Variants in SKAP1 observed in about 807,000 individuals in gnomAD.
The protein encoded by SKAP1 is src kinase associated phosphoprotein 1.
A neutral mutation model predicts 58.5 loss-of-function variants in SKAP1; 44 were observed. That is an observed-to-expected ratio of 0.75 (90% confidence interval 0.59 to 0.97). SKAP1 has a LOEUF of 0.97. SKAP1 is among the 50% of genes least tolerant of loss of function. The pLI is 0.00. For missense variants in SKAP1, 390 were observed against 435.2 expected (o/e 0.90, Z 0.92); for synonymous variants, 127 against 149.7 (o/e 0.85, Z 1.11).
intron 3 of SKAP1, among the ~76,000 whole-genome samples, chr17:48,356,053 G>A (rs557971781): frequency 1.4e-4 from 21 of 151,286 alleles, no homozygotes; most frequent in African/African-American, 4.9e-4. Context: ...CCAAAATTTC[G>A]ATACCAGCCT....
intron 2 of SKAP1, among the ~76,000 whole-genome samples, chr17:48,385,602 A>G (rs968999063): frequency 6.6e-6 from 1 of 152,176 alleles, no homozygotes; most frequent in Non-Finnish European, 1.5e-5. Context: ...AGCCACAAAG[A>G]CAAACTTTAA....
chr17:48,226,864 G>A (rs1475956868), intron 4 of SKAP1, among the ~76,000 whole-genome samples: 1 of 152,204 alleles, frequency 6.6e-6, no homozygotes, highest in Non-Finnish European at 1.5e-5. Context: ...CCTCCACCAA[G>A]TTTGAGACAT....
intron 4 of SKAP1, among the ~76,000 whole-genome samples, chr17:48,300,581 T>C (rs1770548209): frequency 6.6e-6 from 1 of 152,190 alleles, no homozygotes; most frequent in Admixed American, 6.5e-5. Context: ...CCACATATTA[T>C]ACCAAGAGAG....
intron 11 of SKAP1, among the ~76,000 whole-genome samples, chr17:48,152,538 A>G (rs1480346385): frequency 6.6e-6 from 1 of 152,332 alleles, no homozygotes; most frequent in African/African-American, 2.4e-5. Flanking sequence ...GCTGCTTGTT[A>G]TAATACTGGC....
At position 48,187,977 on chromosome 17, in the gene SKAP1, A is replaced by C. The variant is rs772027337; in HGVS notation, c.359-51T>G. The C allele has an allele frequency of 6.0e-6, 8 of 1,337,968 alleles. No individual in the cohort carries two copies. The Admixed American group carries it at 1.4e-4, about 23-fold the overall frequency. The allele number at this position is 1,337,968 out of a possible 1,614,324, so 82.9% of individuals were successfully genotyped here. On this transcript the variant is annotated intron_variant, in intron 5 of 12. Coordinates refer to ENST00000336915, the MANE Select transcript of SKAP1 (RefSeq NM_003726.4). ...TAAATTCAGGTAACTACCATCATTG[A>C]AGAGTCTGTAAAATCCAACAACATA...
At chr17:48,412,670 C>T (rs978783643) in intron 1 of SKAP1, among the ~76,000 whole-genome samples, 8 of 152,128 alleles carry the variant, frequency 5.3e-5, no homozygotes, top group African/African-American at 1.9e-4. Context: ...TTACTAAATT[C>T]ATTTTCCTCC....
intron 1 of SKAP1, among the ~76,000 whole-genome samples, chr17:48,417,356 C>G (rs2067744524): frequency 6.6e-6 from 1 of 152,140 alleles, no homozygotes; most frequent in Non-Finnish European, 1.5e-5. Context: ...AATGAGAGTA[C>G]TTTAGATCAA....
chr17:48,149,861 G>A (rs1247979504), intron 11 of SKAP1, among the ~76,000 whole-genome samples: 12 of 152,094 alleles, frequency 7.9e-5, no homozygotes, highest in African/African-American at 2.7e-4. Context: ...CATTTTTCAC[G>A]GACAAACTTC....
intron 3 of SKAP1, among the ~76,000 whole-genome samples, chr17:48,358,756 C>T (rs2066904888): frequency 6.6e-6 from 1 of 152,156 alleles, no homozygotes; most frequent in African/African-American, 2.4e-5. Flanking sequence ...TAAGTGCCTA[C>T]CATGTGGCAA....
At chr17:48,256,240 A>G (rs1369322835) in intron 4 of SKAP1, among the ~76,000 whole-genome samples, 1 of 151,940 alleles carries the variant, frequency 6.6e-6, no homozygotes, top group African/African-American at 2.4e-5. Context: ...TCCAGAGAGT[A>G]GTGTAAGAGA....
chr17:48,143,282 C>T (rs2063791177), intron 11 of SKAP1, among the ~76,000 whole-genome samples: 1 of 149,884 alleles, frequency 6.7e-6, no homozygotes, highest in South Asian at 2.1e-4. Context: ...GCAACCTCTG[C>T]CTCCTGGGCT....
intron 3 of SKAP1, among the ~76,000 whole-genome samples, chr17:48,355,521 G>A (rs2066863924): frequency 6.6e-6 from 1 of 152,142 alleles, no homozygotes. Flanking sequence ...CAAGCAATCA[G>A]CCTCCCTCGG....
At chr17:48,190,850 T>C (rs1286892280) in intron 4 of SKAP1, among the ~76,000 whole-genome samples, 1 of 152,072 alleles carries the variant, frequency 6.6e-6, no homozygotes, top group Non-Finnish European at 1.5e-5. Context: ...CCGGGCATGG[T>C]GGCACACACC....
At chr17:48,280,923 T>A (rs578032465) in intron 4 of SKAP1, among the ~76,000 whole-genome samples, 1 of 152,372 alleles carries the variant, frequency 6.6e-6, no homozygotes, top group East Asian at 1.9e-4. Context: ...TGGGTTCTTT[T>A]CAGTTTCAGT....
chr17:48,139,964 C>G (rs981022638), intron 11 of SKAP1, among the ~76,000 whole-genome samples: 3 of 152,224 alleles, frequency 2.0e-5, no homozygotes, highest in African/African-American at 7.2e-5. Context: ...TGACCATTGC[C>G]TGTAAAGTAA....
chr17:48,302,179 A>G (rs2144132985), intron 4 of SKAP1, among the ~76,000 whole-genome samples: 1 of 152,314 alleles, frequency 6.6e-6, no homozygotes, highest in Non-Finnish European at 1.5e-5. Context: ...ATATTATTTG[A>G]TAGCCTATAT....
rs548987135 is a variant in SKAP1 at position 48,371,700 on chromosome 17, G to A, written c.153-7886C>T. ...AAAAAAAAAAAAGCCAGGCATGGTG[G>A]TGCATGCATGCCTGTAGTCCCAGCT... is the stretch of plus-strand genomic sequence containing the variant. On this transcript the variant is annotated intron_variant, in intron 2 of 12. Coordinates refer to ENST00000336915, the MANE Select transcript of SKAP1 (RefSeq NM_003726.4). 4.5e-4 allele frequency among the ~76,000 whole-genome samples: 64 copies of A among 140,958 alleles called. 1 individual carries two copies. Among genetic ancestry groups the A allele is most frequent in the Admixed American group, 1.3e-3 (17 of 13,334 alleles). 92.5% of individuals were successfully genotyped at this position (140,958 alleles called of 152,430 possible). A position where few individuals can be genotyped will look rare whatever the true frequency, so the allele number is the denominator to read the frequency against.
intron 4 of SKAP1, among the ~76,000 whole-genome samples, chr17:48,296,404 T>C (rs2065972795): frequency 6.6e-6 from 1 of 152,190 alleles, no homozygotes; most frequent in South Asian, 2.1e-4. Context: ...AAGGTGGTTG[T>C]TGTTGTTTAA....
intron 4 of SKAP1, among the ~76,000 whole-genome samples, chr17:48,205,436 G>T (rs922355127): frequency 2.0e-5 from 3 of 151,904 alleles, no homozygotes; most frequent in Non-Finnish European, 4.4e-5. Flanking sequence ...AGAACAAAAA[G>T]ATCAAGAAAA....
Sources: gnomAD v4.1 joint callset for allele counts (sites outside exome capture counted in the v4.1 genomes callset) on GRCh38, gnomAD v4.1.1 for gene constraint, MANE v1.5 for transcripts, NCBI Gene and HGNC (gene_info 2026-07-23, HGNC 2026-07-21) for gene names.